PKNOX2: variants seen among roughly 807,000 people sequenced by gnomAD.
PKNOX2 encodes PBX/knotted 1 homeobox 2.
Under a neutral mutation model 53.1 loss-of-function variants are expected in PKNOX2, and 14 were observed. The ratio of observed to expected loss-of-function variants is 0.26; its 90% CI spans 0.17 to 0.41. PKNOX2 has a LOEUF of 0.41. PKNOX2 is among the 10% of genes least tolerant of loss of function. The probability of loss-of-function intolerance (pLI) is 1.00; values close to 1 mark genes in which losing one functional copy is unlikely to be tolerated. For synonymous variants in PKNOX2, 257 were observed against 242.8 expected (o/e 1.06, Z -0.54); for missense variants, 496 against 602.8 (o/e 0.82, Z 1.85).
intron 3 of PKNOX2, among the ~76,000 whole-genome samples, chr11:125,346,930 C>T (rs766177733): frequency 4.6e-5 from 7 of 151,964 alleles, no homozygotes; most frequent in East Asian, 1.9e-4. Flanking sequence ...TTCAGATGAA[C>T]GGGGCTCTGG....
At chr11:125,309,130 CCTTTCTTTCTTT>C (rs143615043) in intron 2 of PKNOX2, among the ~76,000 whole-genome samples, 9 of 148,434 alleles carry the variant, frequency 6.1e-5, no homozygotes, top group Non-Finnish European at 1.0e-4. Context: ...ATTACCTCTT[CCTTTCTTTCTTT>C]CTTTCTTTCT....
chr11:125,378,377 G>A (rs1240201255), intron 5 of PKNOX2, among the ~76,000 whole-genome samples: 1 of 152,178 alleles, frequency 6.6e-6, no homozygotes, highest in Non-Finnish European at 1.5e-5. Flanking sequence ...GCCTGAAGAT[G>A]TCCACCAAAA....
In PKNOX2 at chr11:125,404,204, C is replaced by T. The variant is rs558671268; in HGVS notation, c.589-5992C>T. 4.6e-5 allele frequency among the ~76,000 whole-genome samples: 7 copies of T among 152,326 alleles called. No homozygotes were observed. In the South Asian group the frequency reaches 1.4e-3, roughly 32 times the overall value. On this transcript the variant is annotated intron_variant, in intron 7 of 12. Transcript: ENST00000298282. ...AAGTGGAATAAAATGAGCCACACTGCCTGTCACAGGCATTAAAGCTGTCTC... is the reference window on the plus strand; with the variant it reads ...AAGTGGAATAAAATGAGCCACACTGTCTGTCACAGGCATTAAAGCTGTCTC...
intron 2 of PKNOX2, among the ~76,000 whole-genome samples, chr11:125,244,377 C>T (rs1237372161): frequency 6.6e-6 from 1 of 152,138 alleles, no homozygotes. Flanking sequence ...AGCAGTTCTC[C>T]ACCTGGGGAT....
chr11:125,418,391 T>C (rs548612316), intron 10 of PKNOX2, among the ~76,000 whole-genome samples: 8 of 152,192 alleles, frequency 5.3e-5, no homozygotes, highest in African/African-American at 1.4e-4. Context: ...GGCTCATAAG[T>C]CCTGCTGCCA....
intron 1 of PKNOX2, among the ~76,000 whole-genome samples, chr11:125,178,657 G>GAGA (rs1955925362): frequency 1.3e-5 from 1 of 77,756 alleles, no homozygotes; most frequent in African/African-American, 7.8e-5. Flanking sequence ...AAGGAAGGAA[G>GAGA]GAAGGAAGGA....
chr11:125,270,030 T>A (rs1041462821), intron 2 of PKNOX2, among the ~76,000 whole-genome samples: 1 of 152,230 alleles, frequency 6.6e-6, no homozygotes, highest in South Asian at 2.1e-4. Context: ...TTTCTGAATA[T>A]TCCACCATCG....
chr11:125,405,673 G>A (rs1955044297), intron 7 of PKNOX2, among the ~76,000 whole-genome samples: 2 of 152,248 alleles, frequency 1.3e-5, no homozygotes, highest in Admixed American at 6.5e-5. Flanking sequence ...GTTGCAGCTG[G>A]CCCAGAGGAT....
intron 2 of PKNOX2, among the ~76,000 whole-genome samples, chr11:125,235,419 C>T (rs1024826258): frequency 2.0e-5 from 3 of 152,230 alleles, no homozygotes; most frequent in African/African-American, 7.2e-5. Context: ...CCGACCCAGA[C>T]CCCAGCCACT....
intron 2 of PKNOX2, among the ~76,000 whole-genome samples, chr11:125,279,619 A>G (rs1171063798): frequency 6.6e-6 from 1 of 152,060 alleles, no homozygotes; most frequent in East Asian, 1.9e-4. Flanking sequence ...GCTTCTTCCT[A>G]TAGAGCACCT....
At chr11:125,314,281 C>T (rs536615824) in intron 2 of PKNOX2, among the ~76,000 whole-genome samples, 2 of 152,244 alleles carry the variant, frequency 1.3e-5, no homozygotes, top group South Asian at 4.2e-4. Flanking sequence ...CAGTGCGGTG[C>T]CCTCACTGCG....
intron 1 of PKNOX2, among the ~76,000 whole-genome samples, chr11:125,182,003 C>A (rs1456410511): frequency 6.6e-6 from 1 of 152,192 alleles, no homozygotes; most frequent in Non-Finnish European, 1.5e-5. Context: ...GATTGTGTGA[C>A]CTGGCTCTTT....
chr11:125,218,075 C>A (rs2135483021), intron 1 of PKNOX2, among the ~76,000 whole-genome samples: 1 of 152,142 alleles, frequency 6.6e-6, no homozygotes, highest in African/African-American at 2.4e-5. Context: ...TTGGATAGGG[C>A]CTTTCTTCTA....
chr11:125,303,408 G>T (rs1948208498), intron 2 of PKNOX2, among the ~76,000 whole-genome samples: 1 of 151,924 alleles, frequency 6.6e-6, no homozygotes, highest in African/African-American at 2.4e-5. Flanking sequence ...CAAGCTTCTG[G>T]TCACAGCCCC....
chr11:125,195,825 G>A (rs959703522), intron 1 of PKNOX2, among the ~76,000 whole-genome samples: 2 of 151,768 alleles, frequency 1.3e-5, no homozygotes, highest in Admixed American at 6.6e-5. Flanking sequence ...GTGTTTGTGC[G>A]ATGGCCTCCT....
At chr11:125,305,710 G>A (rs1055569184) in intron 2 of PKNOX2, among the ~76,000 whole-genome samples, 6 of 152,162 alleles carry the variant, frequency 3.9e-5, no homozygotes, top group South Asian at 4.1e-4. Flanking sequence ...TAACAGCATC[G>A]GGAACGACTG....
chr11:125,223,677 T>G (rs1038403598), intron 1 of PKNOX2, among the ~76,000 whole-genome samples: 4 of 152,208 alleles, frequency 2.6e-5, no homozygotes, highest in Non-Finnish European at 5.9e-5. Flanking sequence ...AATGCAAAGA[T>G]TTCGTGGCAT....
chr11:125,178,673 A>AAGGAAGGAAG lies in PKNOX2; in HGVS notation c.-201+13897_-201+13898insAGGAAGGAAG, dbSNP rs1591470489. Among the ~76,000 whole-genome samples the AAGGAAGGAAG allele has an allele frequency of 1.8e-4, 10 of 54,242 alleles. 1 individual carries two copies. In the East Asian group the frequency reaches 5.0e-3, roughly 27 times the overall value. The allele number at this position is 54,242 out of a possible 152,430, so 35.6% of individuals were successfully genotyped here. ...AGGAAGGAAGGAAGGAAGGAAGGAAAGAAAGAGAGAGAGAGAGAGAGAGAG... is the reference window on the plus strand; with the variant it reads ...AGGAAGGAAGGAAGGAAGGAAGGAAAAGGAAGGAAGGAAAGAGAGAGAGAGAGAGAGAGAG... On this transcript the variant is annotated intron_variant, in intron 1 of 12. Transcript: ENST00000298282.
intron 1 of PKNOX2, among the ~76,000 whole-genome samples, chr11:125,227,170 A>C (rs976081417): frequency 6.6e-6 from 1 of 152,202 alleles, no homozygotes; most frequent in Non-Finnish European, 1.5e-5. Flanking sequence ...GATAGCTCTC[A>C]ATGACACCCT....
Sources: gnomAD v4.1 joint callset for allele counts (sites outside exome capture counted in the v4.1 genomes callset) on GRCh38, gnomAD v4.1.1 for gene constraint, MANE v1.5 for transcripts, NCBI Gene and HGNC (gene_info 2026-07-23, HGNC 2026-07-21) for gene names.